The following ITIH1 variants were observed in gnomAD, a reference collection of about 807,000 sequenced individuals.
ITIH1 encodes inter-alpha-trypsin inhibitor heavy chain 1, also known as inter-alpha-trypsin inhibitor heavy chain H1.
ITIH1 carries 94 observed loss-of-function variants against 104.6 expected under a neutral mutation model. The observed-to-expected ratio is 0.90, with a 90% CI of 0.76 to 1.07. ITIH1 has a LOEUF of 1.07. Among genes scored for constraint, ITIH1 ranks in the 50% least tolerant of loss-of-function variants. The pLI, the probability that ITIH1 is intolerant of heterozygous loss-of-function variation, is 0.00. For synonymous variants in ITIH1, 455 were observed against 464.4 expected (o/e 0.98, Z 0.26); for missense variants, 1,193 against 1,181.4 (o/e 1.01, Z -0.14).
intron 3 of ITIH1, 127 bp from the exon 4 acceptor site, chr3:52,778,815 T>C: frequency 2.9e-6 from 3 of 1,038,130 alleles, no homozygotes; most frequent in Middle Eastern, 5.6e-4. Context: ...ACCCCTGAGT[T>C]CCACCATGGG....
chr3:52,777,610 T>TGAC lies in ITIH1; in HGVS notation c.-6_-5insGAC. 6.4e-7 allele frequency: 1 copy of TGAC among 1,559,790 alleles called. No homozygotes were observed. The highest frequency in any genetic ancestry group is 8.7e-7 in the Non-Finnish European group (1 of 1,155,504). On this transcript the variant is annotated 5_prime_UTR_variant, in exon 1 of 22. Transcript: ENST00000273283. ...TGAGGTGACAGGGCAGCAGGAGCCT[T>TGAC]AGAGCATGGACGGTGCCATGGGGCC...
chr3:52,787,823 C>G, intron 16 of ITIH1, 163 bp from the exon 17 acceptor site: 1 of 916,790 alleles, frequency 1.1e-6, no homozygotes, highest in Non-Finnish European at 1.8e-6. Flanking sequence ...GCTTCTGTCC[C>G]CGTGTCCCGG....
At position 52,779,544 on chromosome 3, in the gene ITIH1, T is replaced by C. The variant is rs773545362; in HGVS notation, c.523T>C (p.Tyr175His). 2.5e-6 allele frequency: 4 copies of C among 1,614,206 alleles called. No individual in the cohort carries two copies. In the South Asian group the frequency reaches 3.3e-5, roughly 13 times the overall value. Residue 175 changes from tyrosine to histidine, a missense_variant, in exon 5 of 22, where the codon TAT (tyrosine) becomes CAT (histidine). Transcript: ENST00000273283. The surrounding 1 kb of genome is among the most constrained non-coding windows in gnomAD (Gnocchi z 4.4). ...EEVLKRNHMQ[Y>H]EIVIKVKPKQ... ...AGTGCTGAAGAGAAACCATATGCAG[T>C]ATGAAATTGTCATCAAAGTCAAGCC...
chr3:52,783,149 C>T (rs777062292), intron 9 of ITIH1, 24 bp downstream of exon 9: 3 of 1,595,768 alleles, frequency 1.9e-6, no homozygotes, highest in Non-Finnish European at 2.6e-6. Flanking sequence ...TCTCAGGCAA[C>T]CTTGATGTCA....
In ITIH1 at chr3:52,787,189, TTC is replaced by T; in HGVS notation, c.1893_1894del (p.Pro632AlafsTer60). On this transcript the variant is annotated frameshift_variant and splice_region_variant, in exon 15 of 22. Transcript: ENST00000273283. LOFTEE classifies it high-confidence loss of function. ...KPTIDKPSED[S>X]PPLEMLGPRR... The stretch of plus-strand genomic sequence containing the variant: ...ATTTTCTCTTTCTCTCCCTTCCAGA[TTC>T]TCCGCCTTTGGGTGAGTTTTAAATT... The T allele has an allele frequency of 6.2e-7, 1 of 1,614,118 alleles. No homozygotes were observed. Among genetic ancestry groups the T allele is most frequent in the South Asian group, 1.1e-5 (1 of 91,068 alleles).
At chr3:52,780,033 C>A (rs1698994817) in intron 5 of ITIH1, 5 of 1,293,154 alleles carry the variant, frequency 3.9e-6, no homozygotes, top group Admixed American at 2.9e-5. Context: ...GTGATCAGGG[C>A]TGGGTGGGTG....
At chr3:52,778,766 C>G (rs1226850953) in intron 3 of ITIH1, 176 bp from the exon 4 acceptor site, 29 of 1,205,386 alleles carry the variant, frequency 2.4e-5, no homozygotes, top group Non-Finnish European at 3.4e-6. Context: ...AGGCTTCTTG[C>G]TGGCCTCTGA....
At chr3:52,791,003 T>C in intron 20 of ITIH1, 82 bp downstream of exon 20, 1 of 1,424,674 alleles carries the variant, frequency 7.0e-7, no homozygotes, top group Non-Finnish European at 9.4e-7. Flanking sequence ...ACCGGTCAGT[T>C]CTATAGCTGG....
intron 10 of ITIH1, among the ~76,000 whole-genome samples, chr3:52,783,928 T>C (rs1308796705): frequency 6.6e-6 from 1 of 151,534 alleles, no homozygotes; most frequent in African/African-American, 2.4e-5. Context: ...GCTTAAGTCA[T>C]AAAAAGGGTG....
chr3:52,783,933 AG>A, intron 10 of ITIH1, among the ~76,000 whole-genome samples: 1 of 152,110 alleles, frequency 6.6e-6, no homozygotes, highest in East Asian at 1.9e-4. Context: ...AGTCATAAAA[AG>A]GGTGTGTGCA....
In ITIH1 at chr3:52,791,617, C is replaced by T; in HGVS notation, c.2595C>T (p.Leu865=). The change falls in exon 21 of 22, where the codon CTC becomes CTT. Residue 865 remains leucine (L), a synonymous_variant. Coordinates refer to ENST00000273283, the MANE Select transcript of ITIH1 (RefSeq NM_002215.4). ...CGATGGTGGTGAGGAACCGCCGGCT[C>T]ACGGTCACCAGGTGGGTGGGCTGCT... is the stretch of plus-strand genomic sequence containing the variant. ...DATMVVRNRR[L]TVTRGLQKDY... The T allele has an allele frequency of 1.2e-6, 2 of 1,613,926 alleles. No individual in the cohort carries two copies. The highest frequency in any genetic ancestry group is 1.7e-6 in the Non-Finnish European group (2 of 1,179,912).
At chr3:52,788,426 C>G (rs965487929) in intron 18 of ITIH1, 81 bp downstream of exon 18, 100 of 957,694 alleles carry the variant, frequency 1.0e-4, no homozygotes, top group Non-Finnish European at 1.4e-4. Context: ...GGACTATGGC[C>G]AAGGCCCTCA....
chr3:52,778,032 T>G lies in ITIH1; in HGVS notation c.138+15T>G, dbSNP rs367708318. 1 of 1,614,144 alleles carries G rather than the reference T, an allele frequency of 6.2e-7. No homozygotes were observed. The highest frequency in any genetic ancestry group is 1.1e-5 in the South Asian group (1 of 91,078). On this transcript the variant is annotated intron_variant, in intron 2 of 21. Coordinates refer to ENST00000273283, the MANE Select transcript of ITIH1 (RefSeq NM_002215.4). ...CTGTGGACACCGTGAGTAAGAGTCC[T>G]GGCAAAGGGGTCTGTGACAGAGCCC... is the stretch of plus-strand genomic sequence containing the variant.
chr3:52,778,118 C>T (rs1698949436), intron 2 of ITIH1, 101 bp downstream of exon 2: 36 of 1,345,722 alleles, frequency 2.7e-5, no homozygotes, highest in Non-Finnish European at 3.7e-5. Flanking sequence ...GGGCCATAGG[C>T]ATGGGGTACT....
intron 16 of ITIH1, 183 bp downstream of exon 16, chr3:52,787,795 C>T: frequency 1.1e-6 from 1 of 902,834 alleles, no homozygotes; most frequent in South Asian, 1.4e-5. Flanking sequence ...AGGGGGCCAG[C>T]TAAACATGCC....
Position 52,779,556 on chromosome 3 carries a change from A to C in ITIH1, c.535A>C (p.Ile179Leu). Residue 179 changes from isoleucine to leucine, a missense_variant, in exon 5 of 22, where the codon ATC becomes CTC. By Grantham distance (5) the Ile-to-Leu change is conservative. Transcript: ENST00000273283. The surrounding 1 kb of genome is among the most constrained non-coding windows in gnomAD (Gnocchi z 4.4). ...AAACCATATGCAGTATGAAATTGTC[A>C]TCAAAGTCAAGCCCAAGCAGCTGGT... Reference protein sequence around the residue: ...KRNHMQYEIVIKVKPKQLVHH... With the variant: ...KRNHMQYEIVLKVKPKQLVHH... 1 of 1,614,202 alleles carries C rather than the reference A, an allele frequency of 6.2e-7. No homozygotes were observed. Among genetic ancestry groups the C allele is most frequent in the Non-Finnish European group, 8.5e-7 (1 of 1,180,038 alleles).
chr3:52,782,893 G>T, intron 8 of ITIH1, 64 bp from the exon 9 acceptor site: 1 of 1,504,620 alleles, frequency 6.6e-7, no homozygotes, highest in Non-Finnish European at 9.2e-7. Context: ...ATTTGGAGTT[G>T]GAAGGTGCTG....
At position 52,777,735 on chromosome 3, in the gene ITIH1, A is replaced by G; in HGVS notation, c.117+3A>G. ...CAGGCAGGTCCAAGAGCAGCGAGGT[A>G]TATGGCTAAGCCCACAGGGCAGAAA... On this transcript the variant is annotated splice_donor_region_variant and intron_variant, in intron 1 of 21. Transcript: ENST00000273283. The G allele has an allele frequency of 6.3e-7, 1 of 1,576,972 alleles. No homozygotes were observed. The highest frequency in any genetic ancestry group is 8.6e-7 in the Non-Finnish European group (1 of 1,161,900).
At position 52,780,249 on chromosome 3, in the gene ITIH1, A is replaced by T; in HGVS notation, c.574-20A>T. ...ATCCCATCTTTTTTTTTAAAAAAAT[A>T]ATTTGCTTCAATGTTGCAGATTGAT... On this transcript the variant is annotated intron_variant, in intron 5 of 21. Coordinates refer to ENST00000273283, the MANE Select transcript of ITIH1 (RefSeq NM_002215.4). 1 of 1,556,464 alleles carries T rather than the reference A, an allele frequency of 6.4e-7. No homozygotes were observed. Among genetic ancestry groups the T allele is most frequent in the Non-Finnish European group, 8.8e-7 (1 of 1,136,132 alleles).
Sources: gnomAD v4.1 joint callset for allele counts (sites outside exome capture counted in the v4.1 genomes callset) on GRCh38, gnomAD v4.1.1 for gene constraint, Gnocchi (gnomAD v3.1) non-coding constraint, MANE v1.5 for transcripts, NCBI Gene and HGNC (gene_info 2026-07-23, HGNC 2026-07-21) for gene names.